The following HDAC9 variants were observed in gnomAD, a reference collection of about 807,000 sequenced individuals.
HDAC9 encodes MEF-2 interacting transcription repressor (MITR) protein.
A neutral mutation model predicts 139.4 loss-of-function variants in HDAC9; 41 were observed. The observed-to-expected ratio is 0.29, with a 90% CI of 0.23 to 0.38. The LOEUF is 0.38. Among genes scored for constraint, HDAC9 ranks in the 10% least tolerant of loss-of-function variants. HDAC9 has a pLI of 1.00. For synonymous variants in HDAC9, 517 were observed against 476.2 expected (o/e 1.09, Z -1.12); for missense variants, 1,147 against 1,297.0 (o/e 0.88, Z 1.78).
chr7:18,240,581 G>T (rs912180753), intron 2 of HDAC9, among the ~76,000 whole-genome samples: 2 of 152,080 alleles, frequency 1.3e-5, no homozygotes, highest in Non-Finnish European at 2.9e-5. Context: ...TTCTGCTTCT[G>T]CTTTCCATGA....
intron 1 of HDAC9, among the ~76,000 whole-genome samples, chr7:18,335,537 G>C (rs1172159366): frequency 6.6e-6 from 1 of 151,552 alleles, no homozygotes; most frequent in Non-Finnish European, 1.5e-5. Flanking sequence ...TAACTTGCAA[G>C]AGTCTATTGG....
rs139238750 is a variant in HDAC9 at position 18,535,988 on chromosome 7, G to A, written c.22+39664G>A. On this transcript the variant is annotated intron_variant, in intron 2 of 25. Transcript: ENST00000686413. ...AGATGCCCCACTCAAACCTCCCAGG[G>A]CTCTGTCATTTTTATGTTCCCCGGC... 2.9e-3 allele frequency among the ~76,000 whole-genome samples: 438 copies of A among 152,238 alleles called. 4 individuals are homozygous for A. In the Middle Eastern group the frequency reaches 0.054, roughly 19 times the overall value.
intron 22 of HDAC9, 25 bp downstream of exon 22, chr7:18,874,621 C>T (rs753038272): frequency 7.4e-7 from 1 of 1,350,792 alleles, no homozygotes; most frequent in Non-Finnish European, 1.0e-6. Flanking sequence ...CAGGACTTTA[C>T]GAAAGGCTCT....
At chr7:18,748,733 T>C (rs1788192448) in intron 13 of HDAC9, among the ~76,000 whole-genome samples, 1 of 152,212 alleles carries the variant, frequency 6.6e-6, no homozygotes. Flanking sequence ...TGAAGTGTCT[T>C]AAAATGTCAT....
At chr7:18,260,846 C>A (rs1222843144) in intron 2 of HDAC9, among the ~76,000 whole-genome samples, 6 of 152,104 alleles carry the variant, frequency 3.9e-5, no homozygotes, top group African/African-American at 1.4e-4. Flanking sequence ...TGCTTTCTTC[C>A]TGGAAACTGA....
chr7:18,839,361 C>G (rs1796441732), intron 21 of HDAC9, among the ~76,000 whole-genome samples: 1 of 152,000 alleles, frequency 6.6e-6, no homozygotes. Flanking sequence ...CACCACATTG[C>G]TACTCTCTTC....
intron 2 of HDAC9, among the ~76,000 whole-genome samples, chr7:18,238,792 A>G (rs2045995936): frequency 6.6e-6 from 1 of 152,208 alleles, no homozygotes; most frequent in South Asian, 2.1e-4. Flanking sequence ...AAGGAAAACC[A>G]TAGAATGTTC....
chr7:18,675,439 C>T (rs1237668577), intron 12 of HDAC9, among the ~76,000 whole-genome samples: 1 of 152,002 alleles, frequency 6.6e-6, no homozygotes, highest in African/African-American at 2.4e-5. Flanking sequence ...GAATTGTCAG[C>T]TTTAAATGTG....
At chr7:18,409,068 T>C (rs1294071305) in intron 1 of HDAC9, among the ~76,000 whole-genome samples, 2 of 152,218 alleles carry the variant, frequency 1.3e-5, no homozygotes, top group Non-Finnish European at 2.9e-5. Flanking sequence ...TGGTGACTTT[T>C]GAAAGAAGTC....
At chr7:18,091,798 C>G (rs1472401354) in intron 1 of HDAC9, among the ~76,000 whole-genome samples, 1 of 152,190 alleles carries the variant, frequency 6.6e-6, no homozygotes, top group Non-Finnish European at 1.5e-5. Flanking sequence ...GAATTTATCT[C>G]ATAGTGGCTG....
intron 13 of HDAC9, among the ~76,000 whole-genome samples, chr7:18,746,113 C>T (rs1178160): frequency 0.22 from 33,253 of 151,674 alleles, 4,317 homozygotes; most frequent in East Asian, 0.65. Flanking sequence ...TCAAGCAATC[C>T]TCCTGCCTCA....
chr7:18,439,162 C>T (rs977105328), intron 1 of HDAC9, among the ~76,000 whole-genome samples: 5 of 152,114 alleles, frequency 3.3e-5, no homozygotes, highest in Admixed American at 2.0e-4. Flanking sequence ...TTCTGATCAT[C>T]CCAGAGAATC....
At chr7:18,447,812 A>G (rs910657789) in intron 1 of HDAC9, among the ~76,000 whole-genome samples, 1 of 152,206 alleles carries the variant, frequency 6.6e-6, no homozygotes. Context: ...TCCTATTAGA[A>G]TATACAATTG....
At chr7:18,326,507 C>G (rs1800458799) in intron 1 of HDAC9, among the ~76,000 whole-genome samples, 1 of 151,920 alleles carries the variant, frequency 6.6e-6, no homozygotes, top group Admixed American at 6.6e-5. Flanking sequence ...TTCCTCTTCA[C>G]CACTTATATA....
chr7:18,732,845 A>G (rs1276902749), intron 13 of HDAC9, among the ~76,000 whole-genome samples: 1 of 105,486 alleles, frequency 9.5e-6, no homozygotes, highest in Non-Finnish European at 1.9e-5. Flanking sequence ...GTGTACACAC[A>G]CGTGTGTATG....
Position 18,652,059 on chromosome 7 carries a change from C to T in HDAC9, c.1467+3376C>T, listed in dbSNP as rs1030123743. Among the ~76,000 whole-genome samples, 4 of 152,192 alleles carry T rather than the reference C, an allele frequency of 2.6e-5. No individual in the cohort carries two copies. In the East Asian group the frequency reaches 7.7e-4, roughly 29 times the overall value. On this transcript the variant is annotated intron_variant, in intron 11 of 25. Transcript: ENST00000686413. ...CTTACAACATTTGATCTTTTGTTTT[C>T]TGAGACATTTTACAAATCAGAAATG...
chr7:18,590,660 A>G (rs1047144523), intron 4 of HDAC9, among the ~76,000 whole-genome samples, 174 bp downstream of exon 4: 1 of 152,234 alleles, frequency 6.6e-6, no homozygotes, highest in African/African-American at 2.4e-5. Context: ...ACCAGCTCAC[A>G]TCATTGAGTC....
chr7:18,544,185 G>C (rs952875658), intron 2 of HDAC9, among the ~76,000 whole-genome samples: 1 of 152,194 alleles, frequency 6.6e-6, no homozygotes, highest in Non-Finnish European at 1.5e-5. Flanking sequence ...TTGGATCTAG[G>C]TGACAACACT....
chr7:18,320,097 C>T (rs1212003019), intron 1 of HDAC9, among the ~76,000 whole-genome samples: 1 of 152,182 alleles, frequency 6.6e-6, no homozygotes, highest in Non-Finnish European at 1.5e-5. Flanking sequence ...TTTTAACAGG[C>T]TCATCAGCAA....
Sources: gnomAD v4.1 joint callset for allele counts (sites outside exome capture counted in the v4.1 genomes callset) on GRCh38, gnomAD v4.1.1 for gene constraint, MANE v1.5 for transcripts, NCBI Gene and HGNC (gene_info 2026-07-23, HGNC 2026-07-21) for gene names.